The following SECISBP2 variants were observed in gnomAD, a reference collection of about 807,000 sequenced individuals.
SECISBP2 encodes selenocysteine insertion sequence-binding protein 2.
SECISBP2 carries 96 observed loss-of-function variants against 98.2 expected under a neutral mutation model. The observed-to-expected ratio is 0.98, with a 90% CI of 0.83 to 1.16. SECISBP2 has a LOEUF of 1.16. SECISBP2 is among the 50% of genes most tolerant of loss of function. The probability of loss-of-function intolerance (pLI) is 0.00; values close to 1 mark genes in which losing one functional copy is unlikely to be tolerated. For synonymous variants in SECISBP2, 407 were observed against 370.2 expected (o/e 1.10, Z -1.14); for missense variants, 1,046 against 1,022.9 (o/e 1.02, Z -0.31).
At chr9:89,341,152 G>A (rs1161453821) in intron 9 of SECISBP2, among the ~76,000 whole-genome samples, 195 bp from the exon 10 acceptor site, 1 of 152,184 alleles carries the variant, frequency 6.6e-6, no homozygotes, top group African/African-American at 2.4e-5. Flanking sequence ...TCTGAAAGAA[G>A]GAAGACATAA....
chr9:89,318,529 C>T lies in SECISBP2; in HGVS notation c.-48C>T, dbSNP rs974020999. 6 of 1,510,590 alleles carry T rather than the reference C, an allele frequency of 4.0e-6. No individual in the cohort carries two copies. Among genetic ancestry groups the T allele is most frequent in the East Asian group, 2.6e-5 (1 of 37,778 alleles). The allele number at this position is 1,510,590 out of a possible 1,614,324, so 93.6% of individuals were successfully genotyped here. On this transcript the variant is annotated 5_prime_UTR_variant, in exon 1 of 17. The change creates a new upstream start codon in the 5' untranslated region. Coordinates refer to ENST00000375807, the MANE Select transcript of SECISBP2 (RefSeq NM_024077.5). Reference sequence around the variant, plus strand: ...ACGCTTTGTCTGTCCGGCAAGCCGACGGCCCGCTGCTGGCCTCCGTGACGC... The same window carrying T: ...ACGCTTTGTCTGTCCGGCAAGCCGATGGCCCGCTGCTGGCCTCCGTGACGC...
intron 2 of SECISBP2, among the ~76,000 whole-genome samples, chr9:89,321,656 ACT>A (rs553112676): frequency 4.1e-4 from 61 of 149,454 alleles, no homozygotes; most frequent in Admixed American, 6.7e-4. Flanking sequence ...ACAGAACAAG[ACT>A]CTCTCTCAAA....
In SECISBP2 at chr9:89,338,510, A is replaced by G. The variant is rs1264592440; in HGVS notation, c.1142A>G (p.Asn381Ser). The change falls in exon 8 of 17, where the codon AAT becomes AGT. Residue 381 changes from asparagine to serine, a missense_variant. Physicochemically the swap from Asn to Ser is conservative, Grantham distance 46. Transcript: ENST00000375807. ...DLEQNEASRK[N>S]KKKKEKSTSK... Reference sequence around the variant, plus strand: ...GAACAAAATGAAGCCTCAAGAAAGAATAAGAAAAAGAAAGAAAAATCTACA... The same window carrying G: ...GAACAAAATGAAGCCTCAAGAAAGAGTAAGAAAAAGAAAGAAAAATCTACA... The G allele has an allele frequency of 1.2e-6, 2 of 1,613,558 alleles. No individual in the cohort carries two copies. The highest frequency in any genetic ancestry group is 2.2e-5 in the East Asian group (1 of 44,844).
chr9:89,318,927 T>C (rs1587826392), intron 1 of SECISBP2: 2 of 1,211,002 alleles, frequency 1.7e-6, no homozygotes, highest in East Asian at 7.2e-5. Context: ...CTTCCCGCGC[T>C]CTTGGGAACG....
intron 4 of SECISBP2, 43 bp downstream of exon 4, chr9:89,326,081 T>C: frequency 1.2e-6 from 2 of 1,600,852 alleles, no homozygotes; most frequent in Non-Finnish European, 1.7e-6. Flanking sequence ...GCCTACTCCT[T>C]GTGCCCCAGA....
intron 6 of SECISBP2, chr9:89,333,945 C>A: frequency 1.2e-6 from 1 of 867,100 alleles, no homozygotes. Flanking sequence ...TCTGTTTTAC[C>A]CTTGGGGGTA....
intron 14 of SECISBP2, chr9:89,355,755 GT>G: frequency 5.8e-6 from 1 of 171,048 alleles, no homozygotes; most frequent in Non-Finnish European, 1.2e-5. Context: ...ATTTGTATAT[GT>G]TTAGGTAGGA....
chr9:89,327,719 A>G (rs1054497502), intron 4 of SECISBP2, among the ~76,000 whole-genome samples: 2 of 152,088 alleles, frequency 1.3e-5, no homozygotes, highest in Non-Finnish European at 2.9e-5. Flanking sequence ...TGGAGCTGTC[A>G]TCTCCTGTGA....
chr9:89,348,678 A>G (rs1168736850), intron 12 of SECISBP2, among the ~76,000 whole-genome samples: 2 of 152,274 alleles, frequency 1.3e-5, no homozygotes, highest in Non-Finnish European at 2.9e-5. Flanking sequence ...CCGCATTCAG[A>G]TCAAGAAGCA....
intron 8 of SECISBP2, 126 bp downstream of exon 8, chr9:89,338,706 GC>G (rs1395239238): frequency 2.9e-6 from 3 of 1,025,180 alleles, no homozygotes; most frequent in Admixed American, 4.9e-5. Flanking sequence ...TTTTTGTAGT[GC>G]TAAAGAAAAC....
At chr9:89,333,786 C>G (rs139703515) in intron 6 of SECISBP2, among the ~76,000 whole-genome samples, 2 of 152,250 alleles carry the variant, frequency 1.3e-5, no homozygotes, top group African/African-American at 4.8e-5. Flanking sequence ...GTAGCTTGTC[C>G]TAACAGAGAC....
chr9:89,364,509 C>G (rs117028774), downstream of SECISBP2: 1 of 184,304 alleles, frequency 5.4e-6, no homozygotes, highest in Non-Finnish European at 1.2e-5. Context: ...AGAGCTCAGA[C>G]CCTGGCAGGG....
chr9:89,333,638 C>T (rs536735572), intron 6 of SECISBP2, among the ~76,000 whole-genome samples: 5 of 152,232 alleles, frequency 3.3e-5, no homozygotes, highest in South Asian at 2.1e-4. Context: ...TACTCCAGAA[C>T]GGTTTTAACT....
chr9:89,336,915 G>A (rs895196698), intron 7 of SECISBP2, among the ~76,000 whole-genome samples: 2 of 151,912 alleles, frequency 1.3e-5, no homozygotes, highest in Non-Finnish European at 2.9e-5. Flanking sequence ...GGGATTACAG[G>A]TGCCCGCCAC....
In SECISBP2 at chr9:89,321,049, A is replaced by AT. The variant is rs897931261; in HGVS notation, c.182+1259dup. 3.3e-5 allele frequency among the ~76,000 whole-genome samples: 5 copies of AT among 152,198 alleles called. No individual in the cohort carries two copies. The East Asian group carries it at 5.8e-4, about 18-fold the overall frequency. On this transcript the variant is annotated intron_variant, in intron 2 of 16. Coordinates refer to ENST00000375807, the MANE Select transcript of SECISBP2 (RefSeq NM_024077.5). ...GTGTTTAGGAAATACTGAAAGTTGT[A>AT]TTTTTTTGACGAAAGTTGAAACACT...
At chr9:89,341,678 T>C (rs1829678397) in intron 10 of SECISBP2, among the ~76,000 whole-genome samples, 199 bp downstream of exon 10, 1 of 152,260 alleles carries the variant, frequency 6.6e-6, no homozygotes, top group African/African-American at 2.4e-5. Context: ...TGATTTTTCA[T>C]AAGTATGCAA....
intron 14 of SECISBP2, among the ~76,000 whole-genome samples, chr9:89,356,268 T>C (rs1216000901): frequency 6.6e-6 from 1 of 152,206 alleles, no homozygotes; most frequent in East Asian, 1.9e-4. Context: ...TGATCTGAGG[T>C]GGAACAGTTT....
At chr9:89,362,143 G>A, downstream of SECISBP2, 2 of 589,944 alleles carry the variant, frequency 3.4e-6, no homozygotes, top group South Asian at 4.2e-5. Context: ...ACCTGCTTGT[G>A]CCAGACAGAA....
chr9:89,361,601 C>T (rs1832770551), downstream of SECISBP2: 1 of 152,170 alleles, frequency 6.6e-6, no homozygotes, highest in South Asian at 2.1e-4. Context: ...GAGACTCATT[C>T]CATCGTCAAG....
Sources: allele counts gnomAD v4.1 joint callset (sites outside exome capture counted in the v4.1 genomes callset), GRCh38; gene constraint gnomAD v4.1.1; transcripts MANE v1.5; gene names NCBI Gene and HGNC (gene_info 2026-07-23, HGNC 2026-07-21).